PLCB1: variants seen among roughly 807,000 people sequenced by gnomAD.
The protein encoded by PLCB1 is phospholipase C beta 1.
A neutral mutation model predicts 161.8 loss-of-function variants in PLCB1; 46 were observed. That is an observed-to-expected ratio of 0.28 (90% confidence interval 0.22 to 0.36). The LOEUF (loss-of-function observed/expected upper bound fraction) is 0.36. PLCB1 is among the 10% of genes least tolerant of loss of function. The pLI is 1.00. For synonymous variants in PLCB1, 517 were observed against 503.7 expected (o/e 1.03, Z -0.35); for missense variants, 1,016 against 1,472.5 (o/e 0.69, Z 5.07).
intron 3 of PLCB1, among the ~76,000 whole-genome samples, chr20:8,577,106 T>G (rs1986693942): frequency 6.6e-6 from 1 of 152,136 alleles, no homozygotes; most frequent in Admixed American, 6.6e-5. Context: ...TCATGTATTA[T>G]TTGTAGACAT....
At chr20:8,792,268 C>T in intron 31 of PLCB1, 1 of 204,448 alleles carries the variant, frequency 4.9e-6, no homozygotes, top group South Asian at 8.6e-5. Context: ...GCCTCATATT[C>T]CCATTCTTAA....
In PLCB1 at chr20:8,614,282, T is replaced by C. The variant is rs79586127; in HGVS notation, c.247-14012T>C. Among the ~76,000 whole-genome samples, 1,441 of 152,044 alleles carry C rather than the reference T, an allele frequency of 9.5e-3. 26 individuals are homozygous for C. Among genetic ancestry groups the C allele is most frequent in the African/African-American group, 0.033 (1,360 of 41,490 alleles). ...AATATCAATACCTTTGGCCCTGCAA[T>C]TACACACCAGGAATTTATCCTAAGT... is the stretch of plus-strand genomic sequence containing the variant. On this transcript the variant is annotated intron_variant, in intron 3 of 31. Transcript: ENST00000338037.
chr20:8,445,771 T>A (rs934343920), intron 3 of PLCB1, among the ~76,000 whole-genome samples: 5 of 151,964 alleles, frequency 3.3e-5, no homozygotes, highest in Non-Finnish European at 7.4e-5. Context: ...ACATCCCTTG[T>A]AAGTTGGATT....
intron 3 of PLCB1, among the ~76,000 whole-genome samples, chr20:8,574,430 A>T (rs1986612552): frequency 6.6e-6 from 1 of 152,224 alleles, no homozygotes; most frequent in South Asian, 2.1e-4. Context: ...GTGTTTAAGA[A>T]GAGGGTATCT....
intron 2 of PLCB1, among the ~76,000 whole-genome samples, chr20:8,152,455 A>T (rs547986317): frequency 2.6e-5 from 4 of 152,260 alleles, no homozygotes; most frequent in Admixed American, 2.0e-4. Context: ...GGTGCATGCA[A>T]ATAAAAGATG....
At chr20:8,253,340 G>T (rs749242087) in intron 2 of PLCB1, among the ~76,000 whole-genome samples, 1 of 151,872 alleles carries the variant, frequency 6.6e-6, no homozygotes, top group Middle Eastern at 3.4e-3. Context: ...CATTTCATTG[G>T]CACCCTTGTC....
intron 3 of PLCB1, among the ~76,000 whole-genome samples, chr20:8,624,830 G>T (rs1407605704): frequency 1.3e-5 from 2 of 152,128 alleles, no homozygotes; most frequent in Non-Finnish European, 2.9e-5. Flanking sequence ...GAACAGAAAT[G>T]ATCTAGATTT....
intron 2 of PLCB1, among the ~76,000 whole-genome samples, chr20:8,269,511 A>C (rs532416638): frequency 1.3e-5 from 2 of 152,210 alleles, no homozygotes; most frequent in South Asian, 4.2e-4. Context: ...TGTAGACTGT[A>C]TTTTCTTATA....
chr20:8,423,929 G>A (rs898277633), intron 3 of PLCB1, among the ~76,000 whole-genome samples: 1 of 152,104 alleles, frequency 6.6e-6, no homozygotes, highest in Non-Finnish European at 1.5e-5. Flanking sequence ...CAAGCTAAAT[G>A]AATTGAATTT....
chr20:8,452,444 A>G (rs185404785), intron 3 of PLCB1, among the ~76,000 whole-genome samples: 16 of 152,328 alleles, frequency 1.1e-4, no homozygotes, highest in Admixed American at 5.2e-4. Flanking sequence ...ATTGTCATCA[A>G]GGTCTTCCTA....
intron 23 of PLCB1, among the ~76,000 whole-genome samples, chr20:8,748,578 C>T (rs1444805695): frequency 6.6e-6 from 1 of 152,132 alleles, no homozygotes; most frequent in African/African-American, 2.4e-5. Flanking sequence ...CATGTCATGT[C>T]CAATTATAAA....
At chr20:8,246,456 T>C (rs1980885942) in intron 2 of PLCB1, among the ~76,000 whole-genome samples, 1 of 151,934 alleles carries the variant, frequency 6.6e-6, no homozygotes, top group Admixed American at 6.6e-5. Flanking sequence ...TGTAGAAACA[T>C]GCAAGAATTC....
chr20:8,376,807 A>G (rs953067819), intron 3 of PLCB1, among the ~76,000 whole-genome samples: 2 of 152,222 alleles, frequency 1.3e-5, no homozygotes, highest in African/African-American at 4.8e-5. Context: ...AGGCGCCTGT[A>G]GTCCCAGCTA....
intron 27 of PLCB1, among the ~76,000 whole-genome samples, chr20:8,782,598 C>T (rs1346242710): frequency 1.3e-5 from 2 of 152,132 alleles, no homozygotes; most frequent in African/African-American, 4.8e-5. Flanking sequence ...CACTATGTTG[C>T]CCAGGTTGGT....
At chr20:8,411,298 A>G (rs1042763300) in intron 3 of PLCB1, among the ~76,000 whole-genome samples, 19 of 152,222 alleles carry the variant, frequency 1.2e-4, no homozygotes, top group African/African-American at 4.6e-4. Context: ...TTGAAATGAT[A>G]ATATATTGGA....
chr20:8,724,185 A>AAT (rs1391930776), intron 15 of PLCB1, among the ~76,000 whole-genome samples: 2 of 151,388 alleles, frequency 1.3e-5, no homozygotes, highest in Non-Finnish European at 2.9e-5. Context: ...ATATAAAAAA[A>AAT]AAAACCTGCA....
At chr20:8,171,983 T>C (rs1456618504) in intron 2 of PLCB1, among the ~76,000 whole-genome samples, 1 of 152,086 alleles carries the variant, frequency 6.6e-6, no homozygotes, top group African/African-American at 2.4e-5. Context: ...TTGCGTATCA[T>C]ATGTTCTAGT....
At chr20:8,314,230 C>T (rs893297655) in intron 2 of PLCB1, among the ~76,000 whole-genome samples, 1 of 152,112 alleles carries the variant, frequency 6.6e-6, no homozygotes, top group Non-Finnish European at 1.5e-5. Context: ...TGAGAGCTAC[C>T]ATAGATTAGT....
intron 3 of PLCB1, among the ~76,000 whole-genome samples, chr20:8,518,046 G>C (rs933591424): frequency 6.6e-6 from 1 of 152,066 alleles, no homozygotes; most frequent in East Asian, 1.9e-4. Flanking sequence ...GCTGGGCTTG[G>C]TGGCATGCGC....
Sources: gnomAD v4.1 joint callset for allele counts (sites outside exome capture counted in the v4.1 genomes callset) on GRCh38, gnomAD v4.1.1 for gene constraint, MANE v1.5 for transcripts, NCBI Gene and HGNC (gene_info 2026-07-23, HGNC 2026-07-21) for gene names.